MAP4K4: variants seen among roughly 807,000 people sequenced by gnomAD.
MAP4K4 encodes the protein mitogen-activated protein kinase kinase kinase kinase 4.
MAP4K4 carries 38 observed loss-of-function variants against 189.6 expected under a neutral mutation model. That is an observed-to-expected ratio of 0.20 (90% confidence interval 0.15 to 0.26). The LOEUF (loss-of-function observed/expected upper bound fraction) is 0.26. Ranked by LOEUF, MAP4K4 falls within the 10% of genes least tolerant of loss-of-function variation. The pLI is 1.00. For missense variants in MAP4K4, 1,054 were observed against 1,726.9 expected (o/e 0.61, Z 6.91); for synonymous variants, 610 against 624.3 (o/e 0.98, Z 0.34).
At position 101,877,476 on chromosome 2, in the gene MAP4K4, C is replaced by CT. The variant is rs571878053; in HGVS notation, c.3385+348dup. On this transcript the variant is annotated intron_variant, in intron 27 of 32. Transcript: ENST00000324219. ...TCTGTGTCCACTCCTTTCCACCAGA[C>CT]TTTTTTTTTTTTTTTTTTGAGACGG... 4.9e-3 allele frequency among the ~76,000 whole-genome samples: 648 copies of CT among 132,814 alleles called. 5 individuals carry two copies. Among genetic ancestry groups the CT allele is most frequent in the African/African-American group, 9.3e-3 (313 of 33,816 alleles). 87.1% of individuals were successfully genotyped at this position (132,814 alleles called of 152,430 possible).
At chr2:101,887,910 C>A in exon 31 of MAP4K4, 1 of 1,610,120 alleles carries the variant, frequency 6.2e-7, no homozygotes, top group South Asian at 1.1e-5. Flanking sequence ...TGTAGTTCTA[C>A]AGTGGGGAGA....
chr2:101,747,483 G>T (rs2066256034), intron 2 of MAP4K4, among the ~76,000 whole-genome samples: 1 of 152,192 alleles, frequency 6.6e-6, no homozygotes, highest in Non-Finnish European at 1.5e-5. Context: ...GGAGAGTGAT[G>T]TATCTGGTCC....
intron 30 of MAP4K4, 78 bp from the exon 31 acceptor site, chr2:101,887,700 A>G (rs553893043): frequency 2.7e-6 from 3 of 1,100,696 alleles, no homozygotes; most frequent in East Asian, 4.9e-5. Context: ...TGCATTCACT[A>G]AGAGTCTTAC....
chr2:101,720,322 C>T (rs532265223), intron 2 of MAP4K4, among the ~76,000 whole-genome samples: 7 of 151,682 alleles, frequency 4.6e-5, no homozygotes, highest in Admixed American at 1.3e-4. Flanking sequence ...TACAGGCGCC[C>T]GCCGCCACAC....
chr2:101,860,054 G>A, intron 15 of MAP4K4, 190 bp downstream of exon 15: 1 of 628,980 alleles, frequency 1.6e-6, no homozygotes, highest in Non-Finnish European at 2.8e-6. Context: ...TTCAGTCAGT[G>A]CTTTTTCCAT....
chr2:101,882,480 G>T (rs2098415834), intron 27 of MAP4K4, 71 bp from the exon 28 acceptor site: 1 of 1,221,162 alleles, frequency 8.2e-7, no homozygotes. Flanking sequence ...ATTTCTTTTG[G>T]TTACTATTGT....
intron 2 of MAP4K4, among the ~76,000 whole-genome samples, chr2:101,753,404 G>C (rs928105389): frequency 1.3e-5 from 2 of 152,162 alleles, no homozygotes; most frequent in African/African-American, 4.8e-5. Flanking sequence ...TTGGCATTTT[G>C]AACATAAACA....
intron 2 of MAP4K4, among the ~76,000 whole-genome samples, chr2:101,704,331 C>G (rs2040730679): frequency 6.6e-6 from 1 of 151,852 alleles, no homozygotes. Flanking sequence ...AGAGTTTCAA[C>G]CCTTACTTTC....
intron 2 of MAP4K4, among the ~76,000 whole-genome samples, chr2:101,767,228 T>G (rs952145872): frequency 1.3e-5 from 2 of 152,236 alleles, no homozygotes; most frequent in African/African-American, 4.8e-5. Flanking sequence ...TGACTCAATC[T>G]GGTGAGAAAA....
At chr2:101,710,899 T>C (rs2045114406) in intron 2 of MAP4K4, among the ~76,000 whole-genome samples, 1 of 152,216 alleles carries the variant, frequency 6.6e-6, no homozygotes. Context: ...GGTAATTGAC[T>C]GTCTTCATTC....
At chr2:101,823,862 T>C in intron 3 of MAP4K4, 66 bp from the exon 4 acceptor site, 1 of 1,365,984 alleles carries the variant, frequency 7.3e-7, no homozygotes, top group Non-Finnish European at 1.0e-6. Context: ...TTGTATGTAG[T>C]GTGGGGGAAG....
chr2:101,869,948 C>T, intron 22 of MAP4K4, 151 bp downstream of exon 22: 3 of 1,033,136 alleles, frequency 2.9e-6, no homozygotes, highest in Non-Finnish European at 4.1e-6. Flanking sequence ...CTTGTGTTTC[C>T]CCTTCTCTTC....
At chr2:101,748,072 T>C (rs866592234) in intron 2 of MAP4K4, among the ~76,000 whole-genome samples, 35 of 152,218 alleles carry the variant, frequency 2.3e-4, no homozygotes, top group South Asian at 2.1e-4. Context: ...GTTTTCTATA[T>C]CCTCTTATTC....
At chr2:101,823,851 A>G (rs2096221437) in intron 3 of MAP4K4, 77 bp from the exon 4 acceptor site, 1 of 1,234,338 alleles carries the variant, frequency 8.1e-7, no homozygotes, top group Admixed American at 2.4e-5. Flanking sequence ...TCCTTTCATT[A>G]TTGTATGTAG....
chr2:101,716,059 A>G (rs531750452), intron 2 of MAP4K4, among the ~76,000 whole-genome samples: 23 of 152,236 alleles, frequency 1.5e-4, no homozygotes, highest in Non-Finnish European at 2.8e-4. Flanking sequence ...TTCATGGAAA[A>G]AGTTTCTTCA....
At chr2:101,890,335 A>G (rs1217243125) in intron 32 of MAP4K4, among the ~76,000 whole-genome samples, 1 of 152,226 alleles carries the variant, frequency 6.6e-6, no homozygotes, top group Non-Finnish European at 1.5e-5. Flanking sequence ...GTCTCACAAT[A>G]TGCCAACGTG....
exon 9 of MAP4K4, chr2:101,835,929 C>T (rs2149479444): frequency 6.2e-7 from 1 of 1,613,754 alleles, no homozygotes; most frequent in Middle Eastern, 1.6e-4. Context: ...AATGAGAGCA[C>T]TGTTTCTCAT....
chr2:101,746,290 A>ATT (rs199987833), intron 2 of MAP4K4, among the ~76,000 whole-genome samples: 3 of 132,018 alleles, frequency 2.3e-5, no homozygotes, highest in African/African-American at 5.5e-5. Context: ...CCTGGCCCTG[A>ATT]TTTTTTTTTT....
At chr2:101,882,804 G>T (rs933158527) in intron 28 of MAP4K4, 119 bp downstream of exon 28, 1 of 1,017,780 alleles carries the variant, frequency 9.8e-7, no homozygotes, top group Non-Finnish European at 1.4e-6. Context: ...TCTGAAACAC[G>T]TGGATCATTT....
Sources: allele counts gnomAD v4.1 joint callset (sites outside exome capture counted in the v4.1 genomes callset), GRCh38; gene constraint gnomAD v4.1.1; transcripts MANE v1.5; gene names NCBI Gene and HGNC (gene_info 2026-07-23, HGNC 2026-07-21).